The following SNRNP40 variants were observed in gnomAD, a reference collection of about 807,000 sequenced individuals.
SNRNP40 encodes U5 small nuclear ribonucleoprotein 40 kDa protein.
A neutral mutation model predicts 45.8 loss-of-function variants in SNRNP40; 21 were observed. The ratio of observed to expected loss-of-function variants is 0.46; its 90% confidence interval spans 0.32 to 0.66. SNRNP40 has a LOEUF of 0.66. Among genes scored for constraint, SNRNP40 ranks in the 30% least tolerant of loss-of-function variants. The pLI is 0.03. For missense variants in SNRNP40, 344 were observed against 439.1 expected, an observed-to-expected ratio of 0.78 and a Z score of 1.94; for synonymous variants, 142 against 163.8, an observed-to-expected ratio of 0.87 and a Z score of 1.01.
chr1:31,265,381 C>CG (rs1180938542), intron 8 of SNRNP40, among the ~76,000 whole-genome samples: 14 of 152,126 alleles, frequency 9.2e-5, no homozygotes, highest in African/African-American at 3.4e-4. Flanking sequence ...CCTTCCACCT[C>CG]AGCCTCTCAG....
At chr1:31,288,028 TG>T (rs1646073000) in intron 4 of SNRNP40, among the ~76,000 whole-genome samples, 1 of 151,782 alleles carries the variant, frequency 6.6e-6, no homozygotes, top group African/African-American at 2.4e-5. Flanking sequence ...GCAGGTATGG[TG>T]GTGTGCACCT....
chr1:31,274,645 T>TAAA (rs368995037), intron 5 of SNRNP40, among the ~76,000 whole-genome samples: 6,952 of 111,840 alleles, frequency 0.062, 760 homozygotes, highest in African/African-American at 0.22. Flanking sequence ...ACCATTACAT[T>TAAA]AAAAAAAAAA....
At chr1:31,278,848 A>G (rs1314308653) in intron 5 of SNRNP40, among the ~76,000 whole-genome samples, 2 of 152,150 alleles carry the variant, frequency 1.3e-5, no homozygotes, top group East Asian at 1.9e-4. Flanking sequence ...GGGAATGTAC[A>G]CAGCGAGAAA....
At chr1:31,266,130 GA>G (rs142682079) in intron 8 of SNRNP40, among the ~76,000 whole-genome samples, 4 of 146,976 alleles carry the variant, frequency 2.7e-5, no homozygotes, top group Non-Finnish European at 3.0e-5. Context: ...AACTTGTCAG[GA>G]AAAAAAAAAG....
At chr1:31,294,963 A>G (rs1646131621) in intron 1 of SNRNP40, among the ~76,000 whole-genome samples, 1 of 151,646 alleles carries the variant, frequency 6.6e-6, no homozygotes, top group Non-Finnish European at 1.5e-5. Context: ...AAAAGAAGTT[A>G]CGTGCTAGGC....
intron 8 of SNRNP40, among the ~76,000 whole-genome samples, chr1:31,262,720 C>T (rs1645868750): frequency 1.3e-5 from 2 of 151,638 alleles, no homozygotes; most frequent in Non-Finnish European, 2.9e-5. Flanking sequence ...TTTTATTTGT[C>T]ATTAAAAAAA....
At chr1:31,264,714 G>A (rs1289347522) in intron 8 of SNRNP40, among the ~76,000 whole-genome samples, 1 of 152,150 alleles carries the variant, frequency 6.6e-6, no homozygotes, top group Non-Finnish European at 1.5e-5. Context: ...CGAGAGACTG[G>A]TCAGCCTTCC....
Position 31,281,407 on chromosome 1 carries a change from C to G in SNRNP40, c.621G>C (p.Gln207His), listed in dbSNP as rs1646015601. Residue 207 changes from glutamine (Q) to histidine (H), a missense_variant, in exon 5 of 10, where the codon CAG (glutamine) becomes CAC (histidine). By Grantham distance (24) the Gln-to-His change is conservative. This residue lies in a region of SNRNP40 where 254 missense variants were observed against 380.2 expected (regional missense o/e 0.67). Coordinates refer to ENST00000263694, the MANE Select transcript of SNRNP40 (RefSeq NM_004814.3). ...CATTGTCTATTCCACCAGAAATAAT[C>G]TGATCACTTGTGTCATTGAAGGTCA... ...LAVTFNDTSD[Q>H]IISGGIDNDI... 6.2e-7 allele frequency: 1 copy of G among 1,605,360 alleles called. No homozygotes were observed. Among genetic ancestry groups the G allele is most frequent in the Non-Finnish European group, 8.5e-7 (1 of 1,172,742 alleles).
intron 4 of SNRNP40, among the ~76,000 whole-genome samples, chr1:31,288,084 A>G (rs1212742462): frequency 2.0e-5 from 3 of 151,788 alleles, no homozygotes; most frequent in Non-Finnish European, 4.4e-5. Context: ...AATCACTTGA[A>G]CCCGGGAGGT....
chr1:31,284,062 A>C (rs1254781023), intron 4 of SNRNP40, among the ~76,000 whole-genome samples: 2 of 152,196 alleles, frequency 1.3e-5, no homozygotes, highest in Non-Finnish European at 2.9e-5. Flanking sequence ...CATCTCTACA[A>C]AATAAAAACA....
chr1:31,265,480 T>C (rs1645889514), intron 8 of SNRNP40, among the ~76,000 whole-genome samples: 1 of 151,948 alleles, frequency 6.6e-6, no homozygotes, highest in East Asian at 1.9e-4. Flanking sequence ...GACATTGCAA[T>C]TCAGAAAGGG....
intron 4 of SNRNP40, among the ~76,000 whole-genome samples, chr1:31,284,566 C>G (rs1438567665): frequency 6.6e-6 from 1 of 152,080 alleles, no homozygotes; most frequent in Non-Finnish European, 1.5e-5. Flanking sequence ...AGAAGATGAA[C>G]CACAAGTAAA....
At chr1:31,282,636 CTATCTATG>C (rs1317823500) in intron 4 of SNRNP40, among the ~76,000 whole-genome samples, 1 of 151,324 alleles carries the variant, frequency 6.6e-6, no homozygotes, top group Non-Finnish European at 1.5e-5. Flanking sequence ...CTATATCTAT[CTATCTATG>C]TATCTATGTG....
intron 5 of SNRNP40, among the ~76,000 whole-genome samples, chr1:31,273,137 C>T (rs1645950085): frequency 6.6e-6 from 1 of 152,172 alleles, no homozygotes; most frequent in Admixed American, 6.5e-5. Context: ...TTTGCTGCTT[C>T]AGTAATCAGG....
chr1:31,283,710 C>T (rs1280670223), intron 4 of SNRNP40, among the ~76,000 whole-genome samples: 1 of 152,170 alleles, frequency 6.6e-6, no homozygotes, highest in Non-Finnish European at 1.5e-5. Context: ...AGTCACCACG[C>T]TATAATATTT....
At chr1:31,293,121 C>T (rs1546375) in intron 2 of SNRNP40, 98 bp downstream of exon 2, 748,816 of 1,333,750 alleles carry the variant, frequency 0.56, 224,723 homozygotes, top group Non-Finnish European at 0.63. Flanking sequence ...TGTTATGTTG[C>T]CAACATAGAG....
At chr1:31,290,873 G>A (rs933017635) in intron 3 of SNRNP40, among the ~76,000 whole-genome samples, 6 of 150,718 alleles carry the variant, frequency 4.0e-5, no homozygotes, top group African/African-American at 7.3e-5. Context: ...GCAAGACTCC[G>A]TCTCAAAAAA....
chr1:31,292,641 AT>A (rs1164424814), intron 2 of SNRNP40, among the ~76,000 whole-genome samples: 1 of 151,988 alleles, frequency 6.6e-6, no homozygotes, highest in Non-Finnish European at 1.5e-5. Flanking sequence ...GAAGCATCTG[AT>A]TTTTTTTCCT....
intron 5 of SNRNP40, among the ~76,000 whole-genome samples, chr1:31,275,492 C>T (rs955521804): frequency 3.9e-5 from 6 of 152,024 alleles, no homozygotes; most frequent in Non-Finnish European, 5.9e-5. Flanking sequence ...CGGGTTCAAG[C>T]GATTCTCGTG....
Sources: allele counts gnomAD v4.1 joint callset (sites outside exome capture counted in the v4.1 genomes callset), GRCh38; gene constraint gnomAD v4.1.1; regional missense constraint gnomAD v4.1.1; transcripts MANE v1.5; gene names NCBI Gene and HGNC (gene_info 2026-07-23, HGNC 2026-07-21).